The following CACNA2D3 variants were observed in gnomAD, a reference collection of about 807,000 sequenced individuals.
The protein encoded by CACNA2D3 is calcium voltage-gated channel auxiliary subunit alpha2delta 3, also known as voltage-dependent calcium channel subunit alpha-2/delta-3.
In CACNA2D3, 60 loss-of-function variants were observed where a neutral mutation model predicts 160.6. That is an observed-to-expected ratio of 0.37 (90% CI 0.30 to 0.46). The LOEUF (loss-of-function observed/expected upper bound fraction) is 0.46, where lower values mean the gene tolerates loss of function less well. Ranked by LOEUF, CACNA2D3 falls within the 20% of genes least tolerant of loss-of-function variation. The pLI, the probability that CACNA2D3 is intolerant of heterozygous loss-of-function variation, is 1.00. For synonymous variants in CACNA2D3, 558 were observed against 492.9 expected, an observed-to-expected ratio of 1.13 and a Z score of -1.75; for missense variants, 1,205 against 1,365.0, an observed-to-expected ratio of 0.88 and a Z score of 1.85.
At chr3:54,725,586 C>G (rs1012220967) in intron 11 of CACNA2D3, among the ~76,000 whole-genome samples, 1 of 152,158 alleles carries the variant, frequency 6.6e-6, no homozygotes, top group Non-Finnish European at 1.5e-5. Context: ...AGCCTCATAC[C>G]TGGGATGCAA....
chr3:54,324,700 C>G (rs1704084698), intron 3 of CACNA2D3, among the ~76,000 whole-genome samples: 1 of 152,072 alleles, frequency 6.6e-6, no homozygotes, highest in Non-Finnish European at 1.5e-5. Context: ...TGCTACCAAG[C>G]CCTCAATTAA....
At chr3:54,377,175 C>G (rs1263208687) in intron 3 of CACNA2D3, among the ~76,000 whole-genome samples, 1 of 152,194 alleles carries the variant, frequency 6.6e-6, no homozygotes, top group Non-Finnish European at 1.5e-5. Context: ...ATTCTGAGGA[C>G]ATCAGTCAAA....
At chr3:54,803,886 G>C (rs1328261232) in intron 13 of CACNA2D3, among the ~76,000 whole-genome samples, 1 of 152,208 alleles carries the variant, frequency 6.6e-6, no homozygotes, top group East Asian at 1.9e-4. Context: ...CCAGAAGAGA[G>C]TGGGGGCCAA....
Position 54,508,905 on chromosome 3 carries a change from A to G in CACNA2D3, c.544+5251A>G, listed in dbSNP as rs145889091. On this transcript the variant is annotated intron_variant, in intron 5 of 37. Coordinates refer to ENST00000474759, the MANE Select transcript of CACNA2D3 (RefSeq NM_018398.3). Reference sequence around the variant, plus strand: ...GAAATCAGTCTGTCTGTTACAGTCCAATAGGTTCTTCTAAAAAGCCCAAGA... The same window carrying G: ...GAAATCAGTCTGTCTGTTACAGTCCGATAGGTTCTTCTAAAAAGCCCAAGA... Among the ~76,000 whole-genome samples, 808 of 152,348 alleles carry G rather than the reference A, an allele frequency of 5.3e-3. 7 individuals are homozygous for G. Among genetic ancestry groups the G allele is most frequent in the African/African-American group, 0.017 (708 of 41,588 alleles).
intron 4 of CACNA2D3, among the ~76,000 whole-genome samples, chr3:54,429,959 T>A (rs76995874): frequency 0.033 from 4,971 of 152,258 alleles, 242 homozygotes; most frequent in African/African-American, 0.1. Flanking sequence ...CTGATGATAA[T>A]CTGACAATCT....
In CACNA2D3 at chr3:54,131,221, A is replaced by C. The variant is rs548975503; in HGVS notation, c.204+7627A>C. The stretch of plus-strand genomic sequence containing the variant: ...GGGTGAGTGCCAGGCATTGGCATGT[A>C]GGCAGATGATCCCCAGCTGACCCCT... On this transcript the variant is annotated intron_variant, in intron 2 of 37. Coordinates refer to ENST00000474759, the MANE Select transcript of CACNA2D3 (RefSeq NM_018398.3). 2.0e-4 allele frequency among the ~76,000 whole-genome samples: 31 copies of C among 152,228 alleles called. 1 individual carries two copies. Among genetic ancestry groups the C allele is most frequent in the Admixed American group, 7.2e-4 (11 of 15,286 alleles).
rs536658618 is a variant in CACNA2D3 at position 54,598,635 on chromosome 3, TCATGTG to T, written c.963+16762_963+16767del. On this transcript the variant is annotated intron_variant, in intron 9 of 37. Coordinates refer to ENST00000474759, the MANE Select transcript of CACNA2D3 (RefSeq NM_018398.3). Reference sequence around the variant, plus strand: ...AGATGAGTCCTTCTGTATGGAGTTCTCATGTGCATACCTTAATACCAAGTCCTCTAC... The same window carrying T: ...AGATGAGTCCTTCTGTATGGAGTTCTCATACCTTAATACCAAGTCCTCTAC... Among the ~76,000 whole-genome samples, 359 of 152,336 alleles carry T rather than the reference TCATGTG, an allele frequency of 2.4e-3. 1 individual carries two copies. Among genetic ancestry groups the T allele is most frequent in the Middle Eastern group, 0.01 (3 of 294 alleles).
chr3:54,597,556 A>C (rs1173468227), intron 9 of CACNA2D3, among the ~76,000 whole-genome samples: 1 of 152,160 alleles, frequency 6.6e-6, no homozygotes, highest in Admixed American at 6.5e-5. Flanking sequence ...ATGGATAAGG[A>C]AATACTAGAT....
chr3:54,553,718 A>T (rs1204318111), intron 5 of CACNA2D3, among the ~76,000 whole-genome samples: 1 of 152,188 alleles, frequency 6.6e-6, no homozygotes, highest in African/African-American at 2.4e-5. Context: ...CAGTTCTGCT[A>T]ATTCGGTGGA....
At chr3:54,418,432 G>C (rs1486795563) in intron 4 of CACNA2D3, among the ~76,000 whole-genome samples, 1 of 152,124 alleles carries the variant, frequency 6.6e-6, no homozygotes, top group Non-Finnish European at 1.5e-5. Flanking sequence ...GGAAAAGGAG[G>C]AATTATAGCT....
At chr3:54,415,166 A>T (rs967568646) in intron 4 of CACNA2D3, among the ~76,000 whole-genome samples, 19 of 152,138 alleles carry the variant, frequency 1.2e-4, no homozygotes, top group Non-Finnish European at 8.8e-5. Context: ...TTTCATTAAG[A>T]TGGCTGACTG....
At chr3:54,698,101 A>C (rs549543020) in intron 11 of CACNA2D3, among the ~76,000 whole-genome samples, 20 of 152,194 alleles carry the variant, frequency 1.3e-4, no homozygotes, top group African/African-American at 4.8e-4. Flanking sequence ...CAATCCAAAT[A>C]ATATTTTCAA....
intron 27 of CACNA2D3, among the ~76,000 whole-genome samples, chr3:54,946,247 C>T (rs1047636309): frequency 2.6e-5 from 4 of 152,260 alleles, no homozygotes; most frequent in Middle Eastern, 3.4e-3. Context: ...GGTTAAAAAC[C>T]ATTTCTCCCC....
intron 4 of CACNA2D3, among the ~76,000 whole-genome samples, chr3:54,402,208 G>T (rs2106702469): frequency 1.3e-5 from 2 of 151,902 alleles, no homozygotes; most frequent in South Asian, 4.2e-4. Flanking sequence ...AAACAAGAGA[G>T]GGAGAAGGGA....
chr3:54,794,605 ATT>A (rs199707593), intron 13 of CACNA2D3, among the ~76,000 whole-genome samples: 5 of 140,838 alleles, frequency 3.6e-5, no homozygotes, highest in East Asian at 2.1e-4. Context: ...TCTCAGATAT[ATT>A]TTTTTTTTTT....
chr3:54,652,166 T>G (rs965121936), intron 11 of CACNA2D3, among the ~76,000 whole-genome samples: 1 of 151,990 alleles, frequency 6.6e-6, no homozygotes, highest in East Asian at 1.9e-4. Flanking sequence ...TCACTCTGGC[T>G]GTCTGTATTC....
chr3:54,340,962 C>G (rs1351099782), intron 3 of CACNA2D3, among the ~76,000 whole-genome samples: 3 of 152,180 alleles, frequency 2.0e-5, no homozygotes, highest in Non-Finnish European at 4.4e-5. Context: ...TCCATTTTCT[C>G]TTTTACTCAC....
At chr3:54,474,439 C>G (rs1265164913) in intron 4 of CACNA2D3, among the ~76,000 whole-genome samples, 1 of 151,980 alleles carries the variant, frequency 6.6e-6, no homozygotes, top group East Asian at 1.9e-4. Context: ...AGGAGAAATA[C>G]CTAATGTAGA....
chr3:54,649,276 A>G (rs1699714171), intron 11 of CACNA2D3, among the ~76,000 whole-genome samples: 1 of 152,142 alleles, frequency 6.6e-6, no homozygotes, highest in Non-Finnish European at 1.5e-5. Flanking sequence ...GAATGTTGAA[A>G]TGTAGGGTCT....
Sources: allele counts gnomAD v4.1 joint callset (sites outside exome capture counted in the v4.1 genomes callset), GRCh38; gene constraint gnomAD v4.1.1; transcripts MANE v1.5; gene names NCBI Gene and HGNC (gene_info 2026-07-23, HGNC 2026-07-21).